Variants in PCSK2 observed in about 807,000 individuals in gnomAD.
PCSK2 encodes proprotein convertase subtilisin/kexin type 2, also known as neuroendocrine convertase 2.
In PCSK2, 14 loss-of-function variants were observed where a neutral mutation model predicts 69.7. The observed-to-expected ratio is 0.20, with a 90% CI of 0.13 to 0.31. The LOEUF is 0.31. Ranked by LOEUF, PCSK2 falls within the 10% of genes least tolerant of loss-of-function variation. The pLI is 1.00. For missense variants in PCSK2, 544 were observed against 842.5 expected (o/e 0.65, Z 4.39); for synonymous variants, 307 against 320.7 (o/e 0.96, Z 0.46).
At chr20:17,255,508 A>T (rs955328079) in intron 1 of PCSK2, among the ~76,000 whole-genome samples, 1 of 151,906 alleles carries the variant, frequency 6.6e-6, no homozygotes, top group East Asian at 1.9e-4. Context: ...CGCCCAGCTA[A>T]TTTTTTGCAT....
chr20:17,263,257 G>A, intron 2 of PCSK2: 2 of 345,414 alleles, frequency 5.8e-6, no homozygotes, highest in Non-Finnish European at 8.2e-6. Context: ...AGAAAAAAAA[G>A]GACTAGAAAG....
rs1044130628 is a variant in PCSK2, at chr20:17,484,461, A to G, written c.*2391A>G. 1 of 152,588 alleles carries G rather than the reference A, an allele frequency of 6.6e-6. No homozygotes were observed. The highest frequency in any genetic ancestry group is 1.5e-5 in the Non-Finnish European group (1 of 68,006). The allele number at this position is 152,588 out of a possible 1,614,324, so 9.5% of individuals were successfully genotyped here. ...TAGTCATTTATTTTAAAAAATGAAAATAAGTGAATAATAATTAGGTTAACA... is the reference window on the plus strand; with the variant it reads ...TAGTCATTTATTTTAAAAAATGAAAGTAAGTGAATAATAATTAGGTTAACA... On this transcript the variant is annotated 3_prime_UTR_variant, in exon 12 of 12. Transcript: ENST00000262545.
rs2032860254 is a variant in PCSK2, at chr20:17,453,320, A to T, written c.886-422A>T. Among the ~76,000 whole-genome samples the T allele has an allele frequency of 6.6e-6, 1 of 152,206 alleles. No homozygotes were observed. Among genetic ancestry groups the T allele is most frequent in the Non-Finnish European group, 1.5e-5 (1 of 68,038 alleles). On this transcript the variant is annotated intron_variant, in intron 8 of 11. Transcript: ENST00000262545. The surrounding 1 kb of genome is among the most constrained non-coding windows in gnomAD (Gnocchi z 4.0). ...TATATGTCCATATACTTGCATTTTC[A>T]CTAAAAAATGTCTGATACATAAAGA...
At chr20:17,364,333 AC>A (rs1243781844) in intron 4 of PCSK2, among the ~76,000 whole-genome samples, 2 of 152,252 alleles carry the variant, frequency 1.3e-5, no homozygotes, top group Non-Finnish European at 2.9e-5. Context: ...TGCTCCAGTT[AC>A]TTTTGCTGCA....
chr20:17,314,636 A>G (rs1989622653), intron 2 of PCSK2, among the ~76,000 whole-genome samples: 1 of 152,214 alleles, frequency 6.6e-6, no homozygotes, highest in Admixed American at 6.5e-5. Context: ...TTTACTACAC[A>G]TTAAGCCAGA....
At chr20:17,398,546 A>AAAAT (rs1491454971) in intron 5 of PCSK2, among the ~76,000 whole-genome samples, 5 of 147,934 alleles carry the variant, frequency 3.4e-5, no homozygotes, top group East Asian at 3.9e-4. Context: ...AAAAAAAAAA[A>AAAAT]TGCAGATTCA....
intron 7 of PCSK2, among the ~76,000 whole-genome samples, chr20:17,431,934 C>T (rs188976271): frequency 6.6e-6 from 1 of 152,296 alleles, no homozygotes; most frequent in African/African-American, 2.4e-5. Context: ...TCTAAAGCGC[C>T]ACCTGGTGGC....
chr20:17,346,524 TG>T (rs1316492886), intron 2 of PCSK2, among the ~76,000 whole-genome samples: 6 of 152,208 alleles, frequency 3.9e-5, no homozygotes, highest in Non-Finnish European at 7.3e-5. Flanking sequence ...GCAGGCTCTT[TG>T]GGGTGCTACA....
chr20:17,265,197 C>G (rs1442150226), intron 2 of PCSK2, among the ~76,000 whole-genome samples: 1 of 152,130 alleles, frequency 6.6e-6, no homozygotes, highest in African/African-American at 2.4e-5. Context: ...TTGTCTTGAC[C>G]ACACCTTCCT....
At chr20:17,317,631 C>A (rs1989730113) in intron 2 of PCSK2, among the ~76,000 whole-genome samples, 1 of 152,196 alleles carries the variant, frequency 6.6e-6, no homozygotes, top group Non-Finnish European at 1.5e-5. Flanking sequence ...CTCCAGCATC[C>A]TTTTTGGACA....
intron 2 of PCSK2, among the ~76,000 whole-genome samples, chr20:17,277,105 G>A (rs1988111693): frequency 6.6e-6 from 1 of 152,024 alleles, no homozygotes; most frequent in African/African-American, 2.4e-5. Flanking sequence ...CATGCTCATG[G>A]GTAGGAAGAA....
chr20:17,438,036 C>T (rs1038031744), intron 8 of PCSK2, among the ~76,000 whole-genome samples: 2 of 150,646 alleles, frequency 1.3e-5, no homozygotes, highest in Admixed American at 6.6e-5. Flanking sequence ...TCAGCCTGGA[C>T]GTGGGACTCA....
intron 2 of PCSK2, among the ~76,000 whole-genome samples, chr20:17,305,074 G>A (rs1989285488): frequency 6.6e-6 from 1 of 152,110 alleles, no homozygotes; most frequent in Non-Finnish European, 1.5e-5. Context: ...TTGAGATTCA[G>A]TACGTTCTAA....
At chr20:17,464,312 C>T (rs1212317809) in intron 10 of PCSK2, 1 of 152,164 alleles carries the variant, frequency 6.6e-6, no homozygotes, top group Non-Finnish European at 1.5e-5. Context: ...ATTTGAAAAA[C>T]ATAGACAATG....
chr20:17,246,941 T>C (rs1206362965), intron 1 of PCSK2, among the ~76,000 whole-genome samples: 1 of 152,226 alleles, frequency 6.6e-6, no homozygotes, highest in East Asian at 1.9e-4. Context: ...CCCTTTGCTC[T>C]GAAGTTGAAA....
Position 17,433,812 on chromosome 20 carries a change from T to TCTCTCTCTCTCTC in PCSK2, c.710-2895_710-2894insTCTCTCTCTCTCC, listed in dbSNP as rs774361715. Among the ~76,000 whole-genome samples, 259 of 104,156 alleles carry TCTCTCTCTCTCTC rather than the reference T, an allele frequency of 2.5e-3. 15 individuals are homozygous for TCTCTCTCTCTCTC. The highest frequency in any genetic ancestry group is 3.6e-3 in the Non-Finnish European group (185 of 51,940). 68.3% of individuals were successfully genotyped at this position (104,156 alleles called of 152,430 possible). A position where few individuals can be genotyped will look rare whatever the true frequency, so the allele number is the denominator to read the frequency against. On this transcript the variant is annotated intron_variant, in intron 7 of 11. Transcript: ENST00000262545. ...CTCTCTCTCTCTCTCTCTCTCTCTC[T>TCTCTCTCTCTCTC]CCCCCCACTTCCTTCCCTCCTCCTC...
At position 17,358,317 on chromosome 20, in the gene PCSK2, G is replaced by A. The variant is rs953647251; in HGVS notation, c.283-10G>A. The stretch of plus-strand genomic sequence containing the variant: ...TATATTCAGGTAATATGTCAGCATT[G>A]TCATTCCAGGTAAAGATGGCTTTGC... On this transcript the variant is annotated splice_polypyrimidine_tract_variant and intron_variant, in intron 2 of 11. Coordinates refer to ENST00000262545, the MANE Select transcript of PCSK2 (RefSeq NM_002594.5). 4.9e-5 allele frequency: 74 copies of A among 1,500,748 alleles called. No homozygotes were observed. Among genetic ancestry groups the A allele is most frequent in the Non-Finnish European group, 6.2e-5 (67 of 1,076,868 alleles). 93.0% of individuals were successfully genotyped at this position (1,500,748 alleles called of 1,614,324 possible). A position where few individuals can be genotyped will look rare whatever the true frequency, so the allele number is the denominator to read the frequency against.
chr20:17,275,084 C>CATATATATATATATATATATATATAT (rs11474649), intron 2 of PCSK2, among the ~76,000 whole-genome samples: 1 of 141,550 alleles, frequency 7.1e-6, no homozygotes. Flanking sequence ...ATTATTTATA[C>CATATATATATATATATATATATATAT]ATATATATAT....
chr20:17,253,662 A>G (rs1170035185), intron 1 of PCSK2, among the ~76,000 whole-genome samples: 1 of 152,200 alleles, frequency 6.6e-6, no homozygotes, highest in Non-Finnish European at 1.5e-5. Context: ...TAATGTTGCT[A>G]TAAACATTTG....
Sources: gnomAD v4.1 joint callset for allele counts (sites outside exome capture counted in the v4.1 genomes callset) on GRCh38, gnomAD v4.1.1 for gene constraint, Gnocchi (gnomAD v3.1) non-coding constraint, MANE v1.5 for transcripts, NCBI Gene and HGNC (gene_info 2026-07-23, HGNC 2026-07-21) for gene names.